FBXO32: variants seen among roughly 807,000 people sequenced by gnomAD.
FBXO32 encodes F-box only protein 32.
Under a neutral mutation model 48.3 loss-of-function variants are expected in FBXO32, and 15 were observed. The observed-to-expected ratio is 0.31, with a 90% CI of 0.21 to 0.48. The LOEUF (loss-of-function observed/expected upper bound fraction) is 0.48. Ranked by LOEUF, FBXO32 falls within the 20% of genes least tolerant of loss-of-function variation. The pLI, the probability that FBXO32 is intolerant of heterozygous loss-of-function variation, is 0.99. For synonymous variants in FBXO32, 154 were observed against 165.9 expected (o/e 0.93, Z 0.55); for missense variants, 309 against 432.7 (o/e 0.71, Z 2.54).
rs200031056 is a variant in FBXO32, at chr8:123,507,438, GGTGTGTGTGTGTGTGTGTGTGT to G, written c.652-886_652-865del. On this transcript the variant is annotated intron_variant, in intron 6 of 8. Coordinates refer to ENST00000517956, the MANE Select transcript of FBXO32 (RefSeq NM_058229.4). ...CAATAACACAGAGACTCTGTGCTAG[GGTGTGTGTGTGTGTGTGTGTGT>G]GTGTGTGTGTGTGTGTGTGTACGTG... Among the ~76,000 whole-genome samples the G allele has an allele frequency of 6.4e-5, 9 of 139,886 alleles. No homozygotes were observed. The East Asian group carries it at 6.5e-4, about 10-fold the overall frequency. 91.8% of individuals were successfully genotyped at this position (139,886 alleles called of 152,430 possible). A position where few individuals can be genotyped will look rare whatever the true frequency, so the allele number is the denominator to read the frequency against.
intron 4 of FBXO32, among the ~76,000 whole-genome samples, chr8:123,521,676 G>A (rs59738830): frequency 0.2 from 29,640 of 151,886 alleles, 3,261 homozygotes; most frequent in East Asian, 0.41. Flanking sequence ...TGTTAAGAAT[G>A]AGAACACAAT....
In FBXO32 at chr8:123,506,627, C is replaced by T; in HGVS notation, c.652-53G>A. The T allele has an allele frequency of 6.8e-7, 1 of 1,464,518 alleles. No homozygotes were observed. Among genetic ancestry groups the T allele is most frequent in the Non-Finnish European group, 9.3e-7 (1 of 1,072,924 alleles). 90.7% of individuals were successfully genotyped at this position (1,464,518 alleles called of 1,614,324 possible). A position where few individuals can be genotyped will look rare whatever the true frequency, so the allele number is the denominator to read the frequency against. On this transcript the variant is annotated intron_variant, in intron 6 of 8. Coordinates refer to ENST00000517956, the MANE Select transcript of FBXO32 (RefSeq NM_058229.4). This position sits in a 1 kb window ranked among gnomAD's most constrained non-coding sequence, Gnocchi z 4.0. ...GGGGGGCCAGAGAGCAGCGATTCAC[C>T]AGGCCACACCCTCCAGGCATGCAGC...
At chr8:123,515,200 A>G (rs969482007) in intron 4 of FBXO32, among the ~76,000 whole-genome samples, 2 of 152,196 alleles carry the variant, frequency 1.3e-5, no homozygotes, top group Non-Finnish European at 2.9e-5. Context: ...GCCCTCAGCA[A>G]GTACCTGGCA....
At chr8:123,512,878 A>G (rs934709818) in intron 6 of FBXO32, among the ~76,000 whole-genome samples, 7 of 152,212 alleles carry the variant, frequency 4.6e-5, no homozygotes, top group African/African-American at 1.7e-4. Flanking sequence ...GGAGGAAATG[A>G]GCAAAGAGAC....
chr8:123,526,183 C>T (rs1268789896), intron 4 of FBXO32, among the ~76,000 whole-genome samples: 1 of 151,706 alleles, frequency 6.6e-6, no homozygotes, highest in Admixed American at 6.6e-5. Context: ...TGACCAAGAT[C>T]ATAATAACCA....
chr8:123,526,219 CTT>C (rs879328011), intron 4 of FBXO32, among the ~76,000 whole-genome samples: 2 of 144,672 alleles, frequency 1.4e-5, no homozygotes, highest in Non-Finnish European at 1.5e-5. Flanking sequence ...CTTCGATGAT[CTT>C]TTTTTTTTTT....
Position 123,513,082 on chromosome 8 carries a change from G to A in FBXO32, c.651+116C>T. The A allele has an allele frequency of 8.8e-7, 1 of 1,137,842 alleles. No individual in the cohort carries two copies. The highest frequency in any genetic ancestry group is 1.3e-6 in the Non-Finnish European group (1 of 797,094). 70.5% of individuals were successfully genotyped at this position (1,137,842 alleles called of 1,614,324 possible). Reference sequence around the variant, plus strand: ...CCCTCAGCACCAGAACAAAGCAGCAGATCAGAAAAGACCAGACTCTTCCGT... The same window carrying A: ...CCCTCAGCACCAGAACAAAGCAGCAAATCAGAAAAGACCAGACTCTTCCGT... On this transcript the variant is annotated intron_variant, in intron 6 of 8. Coordinates refer to ENST00000517956, the MANE Select transcript of FBXO32 (RefSeq NM_058229.4). The surrounding 1 kb of genome is among the most constrained non-coding windows in gnomAD (Gnocchi z 4.3).
At chr8:123,516,355 C>T (rs1816838895) in intron 4 of FBXO32, among the ~76,000 whole-genome samples, 2 of 152,164 alleles carry the variant, frequency 1.3e-5, no homozygotes, top group Admixed American at 6.5e-5. Context: ...AACCGAGACC[C>T]CTCCTTTACA....
At chr8:123,528,486 G>C (rs978139095) in intron 4 of FBXO32, among the ~76,000 whole-genome samples, 1 of 152,222 alleles carries the variant, frequency 6.6e-6, no homozygotes, top group African/African-American at 2.4e-5. Flanking sequence ...AAGTAGGTAA[G>C]TTGCTGTTTC....
chr8:123,503,207 C>G lies in FBXO32; in HGVS notation c.*166G>C, dbSNP rs1006194690. ...AAGTTCACATTCTTAAATTCCCAGT[C>G]AGCAACTGCATTTCTCCCCTCCAAT... On this transcript the variant is annotated 3_prime_UTR_variant, in exon 9 of 9. Transcript: ENST00000517956. The G allele has an allele frequency of 4.1e-5, 20 of 493,068 alleles. No homozygotes were observed. The highest frequency in any genetic ancestry group is 6.4e-5 in the Non-Finnish European group (18 of 279,858). 30.5% of individuals were successfully genotyped at this position (493,068 alleles called of 1,614,324 possible). A position where few individuals can be genotyped will look rare whatever the true frequency, so the allele number is the denominator to read the frequency against.
At chr8:123,519,419 C>T (rs529693684) in intron 4 of FBXO32, among the ~76,000 whole-genome samples, 12 of 151,764 alleles carry the variant, frequency 7.9e-5, no homozygotes, top group South Asian at 2.1e-4. Flanking sequence ...GATGCGGTGG[C>T]GGGTGCCTGT....
chr8:123,530,576 G>A (rs56913971), intron 4 of FBXO32, among the ~76,000 whole-genome samples: 2 of 152,118 alleles, frequency 1.3e-5, no homozygotes, highest in Non-Finnish European at 2.9e-5. Flanking sequence ...TCATGGTTAA[G>A]CTGATTTGCT....
chr8:123,529,104 A>G (rs550568880), intron 4 of FBXO32, among the ~76,000 whole-genome samples: 35 of 152,326 alleles, frequency 2.3e-4, no homozygotes, highest in African/African-American at 8.2e-4. Flanking sequence ...CAAATTACAG[A>G]GGTCTCTAAT....
chr8:123,534,647 C>T (rs1817276032), intron 2 of FBXO32, 55 bp downstream of exon 2: 1 of 1,147,854 alleles, frequency 8.7e-7, no homozygotes, highest in Non-Finnish European at 1.3e-6. Flanking sequence ...ATCCAAGAAC[C>T]AATCATAACT....
At chr8:123,535,001 A>T (rs1817283215) in intron 1 of FBXO32, among the ~76,000 whole-genome samples, 187 bp from the exon 2 acceptor site, 1 of 152,234 alleles carries the variant, frequency 6.6e-6, no homozygotes, top group South Asian at 2.1e-4. Context: ...CTTTAGGATG[A>T]AACATGTTCA....
rs953608967 is a variant in FBXO32 at position 123,500,303 on chromosome 8, C to T, written c.*3070G>A. Reference sequence around the variant, plus strand: ...ATCCCTGTGGATTTGCTCATACTGCCCTGGGCAGAACTCTTTCCTTCTTTG... The same window carrying T: ...ATCCCTGTGGATTTGCTCATACTGCTCTGGGCAGAACTCTTTCCTTCTTTG... On this transcript the variant is annotated 3_prime_UTR_variant, in exon 9 of 9. Coordinates refer to ENST00000517956, the MANE Select transcript of FBXO32 (RefSeq NM_058229.4). The T allele has an allele frequency of 6.6e-6, 1 of 152,276 alleles. No individual in the cohort carries two copies. Among genetic ancestry groups the T allele is most frequent in the Non-Finnish European group, 1.5e-5 (1 of 68,026 alleles). The allele number at this position is 152,276 out of a possible 1,614,324, so 9.4% of individuals were successfully genotyped here. A position where few individuals can be genotyped will look rare whatever the true frequency, so the allele number is the denominator to read the frequency against.
rs1245300571 is a variant in FBXO32, at chr8:123,506,625, A to T, written c.652-51T>A. 1 of 1,460,590 alleles carries T rather than the reference A, an allele frequency of 6.8e-7. No individual in the cohort carries two copies. The highest frequency in any genetic ancestry group is 1.4e-5 in the African/African-American group (1 of 71,338). The allele number at this position is 1,460,590 out of a possible 1,614,324, so 90.5% of individuals were successfully genotyped here. ...TGGGGGGGCCAGAGAGCAGCGATTC[A>T]CCAGGCCACACCCTCCAGGCATGCA... On this transcript the variant is annotated intron_variant, in intron 6 of 8. Transcript: ENST00000517956. The surrounding 1 kb of genome is among the most constrained non-coding windows in gnomAD (Gnocchi z 4.0).
intron 4 of FBXO32, among the ~76,000 whole-genome samples, chr8:123,521,024 C>G (rs1019694829): frequency 6.6e-6 from 1 of 152,218 alleles, no homozygotes; most frequent in Non-Finnish European, 1.5e-5. Flanking sequence ...TGGCCTGCCC[C>G]GGGCTCAGAG....
chr8:123,516,251 G>A (rs1816836994), intron 4 of FBXO32, among the ~76,000 whole-genome samples: 1 of 152,156 alleles, frequency 6.6e-6, no homozygotes, highest in Non-Finnish European at 1.5e-5. Flanking sequence ...TTAACTTCAC[G>A]AGAACCCACC....
Sources: allele counts gnomAD v4.1 joint callset (sites outside exome capture counted in the v4.1 genomes callset), GRCh38; gene constraint gnomAD v4.1.1; non-coding constraint Gnocchi (gnomAD v3.1); transcripts MANE v1.5; gene names NCBI Gene and HGNC (gene_info 2026-07-23, HGNC 2026-07-21).